The following CAMKMT variants were observed in gnomAD, a reference collection of about 807,000 sequenced individuals.
CAMKMT encodes the protein calmodulin-lysine N-methyltransferase.
CAMKMT carries 53 observed loss-of-function variants against 48.0 expected under a neutral mutation model. The ratio of observed to expected loss-of-function variants is 1.10; its 90% confidence interval spans 0.89 to 1.39. The LOEUF is 1.39. Ranked by LOEUF, CAMKMT falls within the 40% of genes most tolerant of loss-of-function variation. The pLI, the probability that CAMKMT is intolerant of heterozygous loss-of-function variation, is 0.00. For synonymous variants in CAMKMT, 165 were observed against 152.3 expected (o/e 1.08, Z -0.61); for missense variants, 428 against 402.7 (o/e 1.06, Z -0.54).
chr2:44,690,076 A>G (rs998450643), intron 3 of CAMKMT, among the ~76,000 whole-genome samples: 1 of 152,252 alleles, frequency 6.6e-6, no homozygotes. Flanking sequence ...TGAAATAGAC[A>G]TGTAATGAAG....
chr2:44,755,579 C>T (rs576291708), intron 9 of CAMKMT, among the ~76,000 whole-genome samples: 1 of 152,260 alleles, frequency 6.6e-6, no homozygotes, highest in South Asian at 2.1e-4. Context: ...GTGGCAAATA[C>T]TCCATTTTGC....
chr2:44,532,817 G>GTT (rs371505482), intron 3 of CAMKMT, among the ~76,000 whole-genome samples: 5 of 146,066 alleles, frequency 3.4e-5, no homozygotes, highest in Non-Finnish European at 4.5e-5. Context: ...TGCCATTAAA[G>GTT]TTTTTTTTTT....
At position 44,519,666 on chromosome 2, in the gene CAMKMT, A is replaced by T. The variant is rs564419494; in HGVS notation, c.376+129361A>T. 2.6e-5 allele frequency among the ~76,000 whole-genome samples: 4 copies of T among 152,328 alleles called. No homozygotes were observed. In the South Asian group the frequency reaches 8.3e-4, roughly 32 times the overall value. On this transcript the variant is annotated intron_variant, in intron 3 of 10. Coordinates refer to ENST00000378494, the MANE Select transcript of CAMKMT (RefSeq NM_024766.5). ...GTTTAAAAACGAAACAAAACAAAAA[A>T]GTGTGACTTAGGACACAGGAGATGT... is the stretch of plus-strand genomic sequence containing the variant.
chr2:44,377,965 A>G (rs1294063940), intron 2 of CAMKMT, among the ~76,000 whole-genome samples: 1 of 152,232 alleles, frequency 6.6e-6, no homozygotes, highest in Non-Finnish European at 1.5e-5. Context: ...TGTATGGCAG[A>G]TTATTTTTGT....
chr2:44,642,149 T>C (rs1194880098), intron 3 of CAMKMT, among the ~76,000 whole-genome samples: 1 of 152,250 alleles, frequency 6.6e-6, no homozygotes, highest in Non-Finnish European at 1.5e-5. Flanking sequence ...ATAAAAATAA[T>C]TAGTGGAAAC....
At chr2:44,637,568 A>T (rs958461284) in intron 3 of CAMKMT, among the ~76,000 whole-genome samples, 7 of 152,088 alleles carry the variant, frequency 4.6e-5, no homozygotes, top group Admixed American at 1.3e-4. Context: ...TCAAAATTTT[A>T]AAAATATGTA....
At chr2:44,565,621 C>G (rs1185078090) in intron 3 of CAMKMT, among the ~76,000 whole-genome samples, 1 of 150,690 alleles carries the variant, frequency 6.6e-6, no homozygotes, top group Non-Finnish European at 1.5e-5. Flanking sequence ...CAAAACAAAA[C>G]AAAACAAAAA....
chr2:44,596,530 G>C (rs1179568578), intron 3 of CAMKMT, among the ~76,000 whole-genome samples: 1 of 152,128 alleles, frequency 6.6e-6, no homozygotes, highest in Non-Finnish European at 1.5e-5. Context: ...AACCCAGTCT[G>C]TGGATGAATC....
chr2:44,422,607 T>C (rs1684004844), intron 3 of CAMKMT, among the ~76,000 whole-genome samples: 1 of 152,206 alleles, frequency 6.6e-6, no homozygotes, highest in African/African-American at 2.4e-5. Context: ...CTTTATCACC[T>C]GTATCTGTAT....
chr2:44,631,381 A>T, intron 3 of CAMKMT: 2 of 422,812 alleles, frequency 4.7e-6, no homozygotes, highest in Non-Finnish European at 8.2e-6. Flanking sequence ...CATGTACCCT[A>T]AAACTTAAAG....
At chr2:44,659,075 GTTTTTTTTTTTT>G (rs1192483405) in intron 3 of CAMKMT, among the ~76,000 whole-genome samples, 2 of 86,336 alleles carry the variant, frequency 2.3e-5, no homozygotes, top group African/African-American at 9.4e-5. Context: ...TGTGTGTGTA[GTTTTTTTTTTTT>G]TTTTTTTTTT....
intron 3 of CAMKMT, among the ~76,000 whole-genome samples, chr2:44,541,397 CACTT>C (rs1363801600): frequency 6.6e-6 from 1 of 152,144 alleles, no homozygotes; most frequent in East Asian, 1.9e-4. Flanking sequence ...AAATTTTCCT[CACTT>C]AGGTTTTGCC....
intron 3 of CAMKMT, among the ~76,000 whole-genome samples, chr2:44,439,296 A>C (rs1321610650): frequency 6.6e-6 from 1 of 152,048 alleles, no homozygotes; most frequent in African/African-American, 2.4e-5. Context: ...TTTATCCTAC[A>C]ATTAATCCTC....
intron 3 of CAMKMT, among the ~76,000 whole-genome samples, chr2:44,511,339 C>A (rs560644075): frequency 2.6e-5 from 4 of 152,274 alleles, no homozygotes; most frequent in African/African-American, 9.6e-5. Context: ...CGCAGGCTGG[C>A]GTACAATGGC....
chr2:44,667,313 A>G (rs1334006706), intron 3 of CAMKMT, among the ~76,000 whole-genome samples: 1 of 152,132 alleles, frequency 6.6e-6, no homozygotes, highest in Non-Finnish European at 1.5e-5. Context: ...TCACCAGCAG[A>G]TGATATCCCC....
chr2:44,771,877 G>A (rs912510438), intron 10 of CAMKMT, among the ~76,000 whole-genome samples, 159 bp from the exon 11 acceptor site: 9 of 151,766 alleles, frequency 5.9e-5, no homozygotes, highest in African/African-American at 2.2e-4. Context: ...TGTCACATTA[G>A]TGCCACTGAG....
At chr2:44,386,646 C>A (rs989207228) in intron 2 of CAMKMT, among the ~76,000 whole-genome samples, 1 of 152,012 alleles carries the variant, frequency 6.6e-6, no homozygotes, top group African/African-American at 2.4e-5. Flanking sequence ...TTGATGTAGG[C>A]ATTTAGGGCT....
chr2:44,392,512 T>C (rs1681445532), intron 3 of CAMKMT, among the ~76,000 whole-genome samples: 1 of 152,006 alleles, frequency 6.6e-6, no homozygotes, highest in Non-Finnish European at 1.5e-5. Flanking sequence ...ATTATGCCAA[T>C]AGTGATATTG....
chr2:44,609,147 T>C (rs1024159421), intron 3 of CAMKMT, among the ~76,000 whole-genome samples: 3 of 152,190 alleles, frequency 2.0e-5, no homozygotes, highest in Admixed American at 1.3e-4. Context: ...CCTAAGAAAG[T>C]TGATCTCACC....
Sources: gnomAD v4.1 joint callset for allele counts (sites outside exome capture counted in the v4.1 genomes callset) on GRCh38, gnomAD v4.1.1 for gene constraint, MANE v1.5 for transcripts, NCBI Gene and HGNC (gene_info 2026-07-23, HGNC 2026-07-21) for gene names.